Variants in PDSS2 observed in about 807,000 individuals in gnomAD.
PDSS2 encodes the protein decaprenyl diphosphate synthase subunit 2.
In PDSS2, 31 loss-of-function variants were observed where a neutral mutation model predicts 44.5. The observed-to-expected ratio is 0.70, with a 90% CI of 0.52 to 0.94. PDSS2 has a LOEUF of 0.94. Among genes scored for constraint, PDSS2 ranks in the 40% least tolerant of loss-of-function variants. The pLI, the probability that PDSS2 is intolerant of heterozygous loss-of-function variation, is 0.00. For missense variants in PDSS2, 452 were observed against 482.2 expected (o/e 0.94, Z 0.59); for synonymous variants, 157 against 180.3 (o/e 0.87, Z 1.03).
At chr6:107,268,884 TA>T (rs1240833535) in intron 3 of PDSS2, among the ~76,000 whole-genome samples, 1 of 152,154 alleles carries the variant, frequency 6.6e-6, no homozygotes, top group Non-Finnish European at 1.5e-5. Context: ...TCAGCCCAAA[TA>T]TTTTTAGAGG....
At chr6:107,458,166 G>T (rs114648023) in intron 1 of PDSS2, among the ~76,000 whole-genome samples, 8 of 151,434 alleles carry the variant, frequency 5.3e-5, no homozygotes, top group African/African-American at 1.7e-4. Flanking sequence ...TTACAATTCA[G>T]GTGTGGGGTT....
intron 1 of PDSS2, among the ~76,000 whole-genome samples, chr6:107,397,189 T>C (rs1329485642): frequency 3.9e-5 from 6 of 152,142 alleles, no homozygotes; most frequent in Non-Finnish European, 8.8e-5. Flanking sequence ...GATTTTTTTT[T>C]TTTTTTGGTG....
intron 4 of PDSS2, among the ~76,000 whole-genome samples, chr6:107,221,531 G>A (rs567812681): frequency 6.6e-6 from 1 of 152,124 alleles, no homozygotes; most frequent in South Asian, 2.1e-4. Context: ...CTATCAGAGA[G>A]AAGTATGTTA....
intron 1 of PDSS2, among the ~76,000 whole-genome samples, chr6:107,344,802 T>C (rs1778190438): frequency 6.6e-6 from 1 of 152,148 alleles, no homozygotes; most frequent in Non-Finnish European, 1.5e-5. Context: ...TGATCAATCA[T>C]GTTTGCAGCA....
rs1448811259 is a variant in PDSS2 at position 107,459,037 on chromosome 6, C to G, written c.249G>C (p.Gln83His). The G allele has an allele frequency of 6.2e-7, 1 of 1,614,170 alleles. No individual in the cohort carries two copies. The highest frequency in any genetic ancestry group is 2.2e-5 in the East Asian group (1 of 44,872). Residue 83 changes from glutamine to histidine, a missense_variant, in exon 1 of 8, where the codon CAG becomes CAC. Transcript: ENST00000369037. This position sits in a 1 kb window ranked among gnomAD's most constrained non-coding sequence, Gnocchi z 4.3. The part of the protein sequence containing the change: ...LSDELSNIAM[Q>H]VRKLVGTQHP... ...GCTGAGTGCCCACCAGCTTCCGCAC[C>G]TGCATAGCGATGTTGCTGAGCTCGT...
chr6:107,270,081 G>A (rs2114925498), intron 3 of PDSS2, among the ~76,000 whole-genome samples: 1 of 152,194 alleles, frequency 6.6e-6, no homozygotes, highest in East Asian at 1.9e-4. Flanking sequence ...AAAGAGAAAA[G>A]GCACATACTG....
intron 4 of PDSS2, among the ~76,000 whole-genome samples, chr6:107,220,374 C>CA (rs568962090): frequency 2.3e-4 from 35 of 150,934 alleles, no homozygotes; most frequent in East Asian, 3.9e-4. Context: ...TTTATTCATG[C>CA]AAAAAAAACC....
rs111674314 is a variant in PDSS2 at position 107,429,939 on chromosome 6, C to T, written c.296+29051G>A. Among the ~76,000 whole-genome samples the T allele has an allele frequency of 5.3e-3, 441 of 83,008 alleles. 2 individuals are homozygous for T. The highest frequency in any genetic ancestry group is 9.0e-3 in the South Asian group (15 of 1,672). 54.5% of individuals were successfully genotyped at this position (83,008 alleles called of 152,430 possible). ...ATATATATATATATATATATATATA[C>T]ACCAAACCCAGAAAGAAAGATTTTG... On this transcript the variant is annotated intron_variant, in intron 1 of 7. Transcript: ENST00000369037.
chr6:107,276,286 G>A (rs1314373045), intron 2 of PDSS2, among the ~76,000 whole-genome samples: 1 of 152,116 alleles, frequency 6.6e-6, no homozygotes. Context: ...TGCCCAGCTG[G>A]ATTTCAGAAT....
intron 2 of PDSS2, among the ~76,000 whole-genome samples, chr6:107,325,220 A>G (rs1018166557): frequency 6.6e-6 from 1 of 152,192 alleles, no homozygotes; most frequent in Non-Finnish European, 1.5e-5. Context: ...TGATTTTAAG[A>G]TGTTTCTAGA....
chr6:107,290,071 T>A (rs1031552130), intron 2 of PDSS2, among the ~76,000 whole-genome samples: 1 of 152,240 alleles, frequency 6.6e-6, no homozygotes, highest in Non-Finnish European at 1.5e-5. Context: ...CCTGGTCCTA[T>A]TTTAGTATTT....
At chr6:107,453,702 T>C (rs1781946686) in intron 1 of PDSS2, among the ~76,000 whole-genome samples, 1 of 152,164 alleles carries the variant, frequency 6.6e-6, no homozygotes, top group Admixed American at 6.5e-5. Flanking sequence ...AATGTTCTAG[T>C]TTTTACTATT....
At chr6:107,183,267 AT>A (rs199503186) in intron 7 of PDSS2, among the ~76,000 whole-genome samples, 21 of 150,766 alleles carry the variant, frequency 1.4e-4, no homozygotes, top group African/African-American at 1.9e-4. Flanking sequence ...TTTGATATGG[AT>A]TTTTTTTTCT....
rs140903481 is a variant in PDSS2, at chr6:107,340,222, G to T, written c.297-5890C>A. On this transcript the variant is annotated intron_variant, in intron 1 of 7. Transcript: ENST00000369037. The stretch of plus-strand genomic sequence containing the variant: ...AATATGTTTGTAAGTTGAATTTTAG[G>T]TGGGGAGATCTTGGCCTCCTTTAAA... 8.3e-3 allele frequency among the ~76,000 whole-genome samples: 1,263 copies of T among 152,210 alleles called. 21 individuals carry two copies. The highest frequency in any genetic ancestry group is 0.027 in the African/African-American group (1,118 of 41,522).
intron 1 of PDSS2, among the ~76,000 whole-genome samples, chr6:107,342,579 T>C (rs1323242340): frequency 6.6e-6 from 1 of 152,202 alleles, no homozygotes; most frequent in Non-Finnish European, 1.5e-5. Flanking sequence ...TACAAATATT[T>C]ATGTGTTTTG....
chr6:107,243,845 T>G (rs1446435554), intron 4 of PDSS2, among the ~76,000 whole-genome samples: 3 of 152,160 alleles, frequency 2.0e-5, no homozygotes, highest in Non-Finnish European at 2.9e-5. Context: ...GCCCCCATCC[T>G]GGGCTGGGCA....
intron 7 of PDSS2, among the ~76,000 whole-genome samples, chr6:107,172,380 A>T (rs1198620449): frequency 6.6e-6 from 1 of 152,092 alleles, no homozygotes; most frequent in Non-Finnish European, 1.5e-5. Flanking sequence ...GCCCAAGGAA[A>T]CTAGAGAAAG....
intron 1 of PDSS2, among the ~76,000 whole-genome samples, chr6:107,430,499 C>T (rs946864978): frequency 6.7e-6 from 1 of 148,388 alleles, no homozygotes; most frequent in African/African-American, 2.5e-5. Flanking sequence ...GATTCTATCT[C>T]AAAAAAAATA....
intron 7 of PDSS2, among the ~76,000 whole-genome samples, chr6:107,155,683 G>A (rs1180807957): frequency 4.0e-5 from 6 of 148,820 alleles, no homozygotes; most frequent in Non-Finnish European, 5.9e-5. Context: ...GGGTTCAAGC[G>A]ATTATCCTGC....
Sources: gnomAD v4.1 joint callset for allele counts (sites outside exome capture counted in the v4.1 genomes callset) on GRCh38, gnomAD v4.1.1 for gene constraint, Gnocchi (gnomAD v3.1) non-coding constraint, MANE v1.5 for transcripts, NCBI Gene and HGNC (gene_info 2026-07-23, HGNC 2026-07-21) for gene names.